The following DOCK5 variants were observed in gnomAD, a reference collection of about 807,000 sequenced individuals.
DOCK5 encodes the protein dedicator of cytokinesis 5.
A neutral mutation model predicts 251.8 loss-of-function variants in DOCK5; 142 were observed. The ratio of observed to expected loss-of-function variants is 0.56; its 90% confidence interval spans 0.49 to 0.65. DOCK5 has a LOEUF of 0.65. Among genes scored for constraint, DOCK5 ranks in the 30% least tolerant of loss-of-function variants. The pLI is 0.00. For missense variants in DOCK5, 2,111 were observed against 2,312.3 expected, an observed-to-expected ratio of 0.91 and a Z score of 1.79; for synonymous variants, 842 against 835.5, an observed-to-expected ratio of 1.01 and a Z score of -0.13.
chr8:25,356,044 A>AC (rs1800562479), intron 27 of DOCK5, among the ~76,000 whole-genome samples: 1 of 150,516 alleles, frequency 6.6e-6, no homozygotes, highest in South Asian at 2.1e-4. Context: ...ACAAAAAAAA[A>AC]AAAAAAATAG....
intron 2 of DOCK5, among the ~76,000 whole-genome samples, 162 bp from the exon 3 acceptor site, chr8:25,268,683 T>A (rs1390741546): frequency 6.6e-6 from 1 of 152,222 alleles, no homozygotes; most frequent in Non-Finnish European, 1.5e-5. Context: ...AGATTTTTCT[T>A]GTGTAATAAA....
At chr8:25,371,945 C>A (rs1483453831) in intron 34 of DOCK5, among the ~76,000 whole-genome samples, 1 of 152,146 alleles carries the variant, frequency 6.6e-6, no homozygotes, top group Non-Finnish European at 1.5e-5. Flanking sequence ...CTGTGTGGGT[C>A]CAAAGGGACA....
At chr8:25,375,761 G>A in intron 37 of DOCK5, 1 of 985,332 alleles carries the variant, frequency 1.0e-6, no homozygotes, top group Non-Finnish European at 1.2e-6. Context: ...ACTTCCCAAA[G>A]GAAATTCACA....
chr8:25,304,201 C>T (rs1804840761), intron 10 of DOCK5, 54 bp from the exon 11 acceptor site: 1 of 1,442,684 alleles, frequency 6.9e-7, no homozygotes, highest in Admixed American at 2.2e-5. Context: ...TCCATAGTAA[C>T]TTACTGAGGC....
chr8:25,392,371 C>A (rs1435483166), intron 43 of DOCK5, among the ~76,000 whole-genome samples: 2 of 151,734 alleles, frequency 1.3e-5, no homozygotes, highest in Non-Finnish European at 2.9e-5. Flanking sequence ...TAACCAGCTT[C>A]CACAGGAGAA....
chr8:25,336,369 T>C lies in DOCK5; in HGVS notation c.2323T>C (p.Leu775=), dbSNP rs200618924. The C allele has an allele frequency of 2.2e-5, 35 of 1,613,554 alleles. No homozygotes were observed. In the East Asian group the frequency reaches 7.4e-4, roughly 34 times the overall value. Residue 775 remains leucine, a synonymous_variant, in exon 22 of 52, where the codon TTG becomes CTG. Coordinates refer to ENST00000276440, the MANE Select transcript of DOCK5 (RefSeq NM_024940.8). ...CATCATCCAATCCCGAGTGCTCTACTTGAGGTAATGTTAACTGCAGTGAAG... is the reference window on the plus strand; with the variant it reads ...CATCATCCAATCCCGAGTGCTCTACCTGAGGTAATGTTAACTGCAGTGAAG... ...RFIIQSRVLY[L]RFYGQSKDGD...
intron 35 of DOCK5, among the ~76,000 whole-genome samples, chr8:25,373,001 A>AT (rs36091443): frequency 0.019 from 2,621 of 141,342 alleles, 83 homozygotes; most frequent in African/African-American, 0.06. Context: ...AGTTTTGGGG[A>AT]TTTTTTTTTT....
chr8:25,280,594 A>G (rs1804164422), intron 5 of DOCK5, among the ~76,000 whole-genome samples: 1 of 152,192 alleles, frequency 6.6e-6, no homozygotes, highest in South Asian at 2.1e-4. Context: ...TATTTTCTAA[A>G]CATAGCAATC....
At chr8:25,365,438 CACAA>C (rs1006400656) in intron 30 of DOCK5, among the ~76,000 whole-genome samples, 2 of 152,138 alleles carry the variant, frequency 1.3e-5, no homozygotes, top group Non-Finnish European at 2.9e-5. Context: ...GAACAAAATG[CACAA>C]ACAAAGCAAT....
intron 1 of DOCK5, among the ~76,000 whole-genome samples, chr8:25,198,223 C>T (rs996912529): frequency 2.0e-5 from 3 of 152,146 alleles, no homozygotes; most frequent in Admixed American, 2.0e-4. Context: ...TTTCTGTGAG[C>T]CTGGAACAAT....
intron 1 of DOCK5, among the ~76,000 whole-genome samples, chr8:25,227,145 A>G (rs1239752079): frequency 1.3e-5 from 2 of 152,210 alleles, no homozygotes; most frequent in African/African-American, 2.4e-5. Context: ...CTAGGTCAAG[A>G]GTAGTGCCAG....
intron 22 of DOCK5, among the ~76,000 whole-genome samples, chr8:25,340,610 T>C (rs964044042): frequency 6.6e-6 from 1 of 152,180 alleles, no homozygotes; most frequent in Non-Finnish European, 1.5e-5. Context: ...AAGGCCCTTA[T>C]GGTAGAGCAG....
intron 1 of DOCK5, among the ~76,000 whole-genome samples, chr8:25,201,410 C>CT (rs2117461223): frequency 6.6e-6 from 1 of 152,318 alleles, no homozygotes; most frequent in Non-Finnish European, 1.5e-5. Context: ...TTTCTATAGT[C>CT]TAACAGTATC....
rs761347049 is a variant in DOCK5, at chr8:25,372,734, C to A, written c.3684+16C>A. ...GAACGTGCTGGTATGTGACATGCCT[C>A]CGGTGTGATGGGAGGGTACTGTCAG... is the stretch of plus-strand genomic sequence containing the variant. On this transcript the variant is annotated intron_variant, in intron 35 of 51. Coordinates refer to ENST00000276440, the MANE Select transcript of DOCK5 (RefSeq NM_024940.8). 3.7e-6 allele frequency: 6 copies of A among 1,606,080 alleles called. No individual in the cohort carries two copies. The highest frequency in any genetic ancestry group is 2.6e-6 in the Non-Finnish European group (3 of 1,176,428).
intron 6 of DOCK5, among the ~76,000 whole-genome samples, chr8:25,295,204 C>T (rs186983533): frequency 2.6e-5 from 4 of 151,966 alleles, no homozygotes; most frequent in Admixed American, 2.0e-4. Flanking sequence ...TTTGGGAGAC[C>T]GAAGTGGGAG....
intron 2 of DOCK5, among the ~76,000 whole-genome samples, chr8:25,268,022 C>G (rs928420818): frequency 6.6e-6 from 1 of 152,110 alleles, no homozygotes; most frequent in African/African-American, 2.4e-5. Flanking sequence ...ACCACCACAC[C>G]TGGCTAATCT....
chr8:25,275,572 C>G (rs757055442), intron 4 of DOCK5, 131 bp downstream of exon 4: 3 of 870,814 alleles, frequency 3.4e-6, no homozygotes, highest in Non-Finnish European at 5.1e-6. Context: ...TGGTGGCTCA[C>G]GCCTGTAATC....
chr8:25,272,090 G>A (rs953629067), intron 3 of DOCK5, among the ~76,000 whole-genome samples: 4 of 151,934 alleles, frequency 2.6e-5, no homozygotes, highest in Admixed American at 6.6e-5. Flanking sequence ...GTACAGTGGC[G>A]TGATCACAGT....
intron 26 of DOCK5, 114 bp from the exon 27 acceptor site, chr8:25,351,617 T>G: frequency 2.8e-6 from 2 of 704,734 alleles, no homozygotes; most frequent in South Asian, 1.9e-5. Flanking sequence ...AAGAGATTGC[T>G]TTGTAGGGAA....
Sources: gnomAD v4.1 joint callset for allele counts (sites outside exome capture counted in the v4.1 genomes callset) on GRCh38, gnomAD v4.1.1 for gene constraint, MANE v1.5 for transcripts, NCBI Gene and HGNC (gene_info 2026-07-23, HGNC 2026-07-21) for gene names.